The following OVCH2 variants were observed in gnomAD, a reference collection of about 807,000 sequenced individuals.
The protein encoded by OVCH2 is ovochymase 2, also known as ovochymase-2.
In OVCH2, 88 loss-of-function variants were observed where a neutral mutation model predicts 73.7. The ratio of observed to expected loss-of-function variants is 1.19; its 90% confidence interval spans 1.01 to 1.43. The LOEUF (loss-of-function observed/expected upper bound fraction) is 1.43, where lower values mean the gene tolerates loss of function less well. Ranked by LOEUF, OVCH2 falls within the 40% of genes most tolerant of loss-of-function variation. The pLI is 0.00. For synonymous variants in OVCH2, 265 were observed against 234.5 expected, an observed-to-expected ratio of 1.13 and a Z score of -1.19; for missense variants, 706 against 674.5, an observed-to-expected ratio of 1.05 and a Z score of -0.52.
At chr11:7,703,849 G>A (rs1856488020) in intron 2 of OVCH2, 60 bp from the exon 3 acceptor site, 2 of 1,310,080 alleles carry the variant, frequency 1.5e-6, no homozygotes, top group African/African-American at 2.9e-5. Flanking sequence ...CCTAAACACG[G>A]TGATGAAGCC....
At chr11:7,697,525 C>G (rs1352529510) in intron 8 of OVCH2, among the ~76,000 whole-genome samples, 1 of 152,210 alleles carries the variant, frequency 6.6e-6, no homozygotes, top group Non-Finnish European at 1.5e-5. Flanking sequence ...GGTTTCCTAG[C>G]TGTCTCCCTC....
At position 7,696,811 on chromosome 11, in the gene OVCH2, A is replaced by C; in HGVS notation, c.926-12T>G. On this transcript the variant is annotated splice_polypyrimidine_tract_variant and intron_variant, in intron 8 of 15. Coordinates refer to ENST00000533663, the MANE Select transcript of OVCH2 (RefSeq NM_198185.7). The stretch of plus-strand genomic sequence containing the variant: ...CTCACTGCACCAGGCTGGGAGGGAA[A>C]GCCAGGAGAGTCAGGGTTAGTTATG... The C allele has an allele frequency of 6.3e-7, 1 of 1,599,072 alleles. No individual in the cohort carries two copies. Among genetic ancestry groups the C allele is most frequent in the South Asian group, 1.1e-5 (1 of 88,616 alleles).
intron 13 of OVCH2, among the ~76,000 whole-genome samples, 163 bp from the exon 14 acceptor site, chr11:7,691,563 C>T (rs751627360): frequency 2.6e-5 from 4 of 152,204 alleles, no homozygotes; most frequent in Non-Finnish European, 5.9e-5. Context: ...TAATTAACCC[C>T]ATGACATTTC....
chr11:7,695,461 A>C, intron 11 of OVCH2, 109 bp downstream of exon 11: 1 of 1,126,138 alleles, frequency 8.9e-7, no homozygotes, highest in Non-Finnish European at 1.3e-6. Flanking sequence ...TCCCATGTGG[A>C]GTCAGTTGGG....
the OVCH2 span, among the ~76,000 whole-genome samples, chr11:7,679,266 A>T: frequency 6.6e-6 from 1 of 152,152 alleles, no homozygotes; most frequent in African/African-American, 2.4e-5. Flanking sequence ...CTCCCAAGTG[A>T]TATGGATCTT....
intron 11 of OVCH2, 52 bp from the exon 12 acceptor site, chr11:7,695,240 A>T: frequency 1.3e-6 from 2 of 1,502,436 alleles, no homozygotes; most frequent in Non-Finnish European, 1.8e-6. Context: ...ATAAAGAAGA[A>T]TTCTCACTGC....
rs374119862 is a variant in OVCH2 at position 7,694,479 on chromosome 11, G to C, written c.1413+579C>G. Among the ~76,000 whole-genome samples the C allele has an allele frequency of 2.1e-4, 32 of 152,174 alleles. No individual in the cohort carries two copies. The South Asian group carries it at 6.2e-3, about 30-fold the overall frequency. On this transcript the variant is annotated intron_variant, in intron 12 of 15. Coordinates refer to ENST00000533663, the MANE Select transcript of OVCH2 (RefSeq NM_198185.7). ...TTGCTCTGTCCTCTCTGCTTGAAAG[G>C]CTTGATGATTTTGGCCTGATTGACC...
chr11:7,681,260 T>G, the OVCH2 span, among the ~76,000 whole-genome samples: 1 of 152,242 alleles, frequency 6.6e-6, no homozygotes. Context: ...TTTCAAGGAT[T>G]TTAGACTAAA....
At chr11:7,701,301 A>T in intron 6 of OVCH2, 23 bp downstream of exon 6, 4 of 1,584,354 alleles carry the variant, frequency 2.5e-6, no homozygotes, top group Non-Finnish European at 3.4e-6. Context: ...CTGGGGCCTG[A>T]CAGCCCCGCA....
At chr11:7,702,364 A>G (rs772091566) in intron 3 of OVCH2, 35 bp from the exon 4 acceptor site, 2 of 1,514,158 alleles carry the variant, frequency 1.3e-6, no homozygotes, top group South Asian at 1.3e-5. Flanking sequence ...AATGAATTTC[A>G]TTGTGCCTCT....
chr11:7,702,284 T>G lies in OVCH2; in HGVS notation c.336A>C (p.Leu112Phe), dbSNP rs1856458392. 6.2e-7 allele frequency: 1 copy of G among 1,611,332 alleles called. No homozygotes were observed. Among genetic ancestry groups the G allele is most frequent in the Non-Finnish European group, 8.5e-7 (1 of 1,178,922 alleles). Residue 112 changes from leucine (L) to phenylalanine (F), a missense_variant, in exon 4 of 16, where the codon TTA becomes TTC. Coordinates refer to ENST00000533663, the MANE Select transcript of OVCH2 (RefSeq NM_198185.7). Reference protein sequence around the residue: ...TLNVTAGEYDLSQTDPGEQTL... With the variant: ...TLNVTAGEYDFSQTDPGEQTL... ...TTTGCTCTCCTGGGTCTGTCTGGCT[T>G]AAGTCATACTCTCCAGCAGTAACAT... is the stretch of plus-strand genomic sequence containing the variant.
chr11:7,686,858 G>A (rs949213839), downstream of OVCH2, among the ~76,000 whole-genome samples: 1 of 152,114 alleles, frequency 6.6e-6, no homozygotes, highest in Non-Finnish European at 1.5e-5. Context: ...TTCACCCAGA[G>A]GCTGTTTCAT....
At chr11:7,681,496 A>G in the OVCH2 span, among the ~76,000 whole-genome samples, 1 of 152,172 alleles carries the variant, frequency 6.6e-6, no homozygotes, top group African/African-American at 2.4e-5. Flanking sequence ...ATTTGCTAGA[A>G]ATAGTGTGGT....
In OVCH2 at chr11:7,690,031, A is replaced by G; in HGVS notation, c.1640-18T>C. On this transcript the variant is annotated intron_variant, in intron 14 of 15. Transcript: ENST00000533663. ...TGGGTATACTGGGTATAAGTATGATACAATTACTCAGTTTCCACAAAGACA... is the reference window on the plus strand; with the variant it reads ...TGGGTATACTGGGTATAAGTATGATGCAATTACTCAGTTTCCACAAAGACA... The G allele has an allele frequency of 6.9e-7, 1 of 1,448,096 alleles. No individual in the cohort carries two copies. The highest frequency in any genetic ancestry group is 9.4e-7 in the Non-Finnish European group (1 of 1,069,084). The allele number at this position is 1,448,096 out of a possible 1,614,324, so 89.7% of individuals were successfully genotyped here. A position where few individuals can be genotyped will look rare whatever the true frequency, so the allele number is the denominator to read the frequency against.
chr11:7,691,416 C>A lies in OVCH2; in HGVS notation c.1508-16G>T, dbSNP rs764533349. ...CACAGCCGAGCTTGTTGAAGGCCAG[C>A]CCAGGCATGACATTGTCAAGCACCC... is the stretch of plus-strand genomic sequence containing the variant. On this transcript the variant is annotated splice_polypyrimidine_tract_variant and intron_variant, in intron 13 of 15. Transcript: ENST00000533663. 5.6e-6 allele frequency: 9 copies of A among 1,607,098 alleles called. No individual in the cohort carries two copies. Among genetic ancestry groups the A allele is most frequent in the Admixed American group, 1.7e-5 (1 of 59,424 alleles).
intron 7 of OVCH2, 22 bp downstream of exon 7, chr11:7,700,274 C>A: frequency 6.2e-7 from 1 of 1,610,642 alleles, no homozygotes; most frequent in Non-Finnish European, 8.5e-7. Context: ...AGCTTCTTAA[C>A]CTTGTGTGAT....
At position 7,691,398 on chromosome 11, in the gene OVCH2, G is replaced by C. The variant is rs114134026; in HGVS notation, c.1510C>G (p.Arg504Gly). Residue 504 changes from arginine to glycine, a missense_variant and splice_region_variant, in exon 14 of 16, where the codon CGG becomes GGG. By Grantham distance (125) the Arg-to-Gly change is moderately radical. Transcript: ENST00000533663. The stretch of plus-strand genomic sequence containing the variant: ...GTGGGGACATCATAGCCACACAGCC[G>C]AGCTTGTTGAAGGCCAGCCCAGGCA... ...SDVERKKEIARLCGYDVPTPV... is the reference protein window; with the variant it reads ...SDVERKKEIAGLCGYDVPTPV... 5.0e-6 allele frequency: 8 copies of C among 1,611,004 alleles called. No individual in the cohort carries two copies. The highest frequency in any genetic ancestry group is 6.8e-6 in the Non-Finnish European group (8 of 1,177,972).
intron 8 of OVCH2, among the ~76,000 whole-genome samples, chr11:7,698,163 C>A (rs1856370898): frequency 6.7e-6 from 1 of 149,674 alleles, no homozygotes; most frequent in Non-Finnish European, 1.5e-5. Context: ...CATCAGAGCT[C>A]CCCTGTGAGT....
At chr11:7,705,275 CT>C (rs1856511156) in intron 1 of OVCH2, 1 of 152,228 alleles carries the variant, frequency 6.6e-6, no homozygotes, top group Non-Finnish European at 1.5e-5. Flanking sequence ...GTGTAGCACG[CT>C]TTCTTCACCC....
Sources: gnomAD v4.1 joint callset for allele counts (sites outside exome capture counted in the v4.1 genomes callset) on GRCh38, gnomAD v4.1.1 for gene constraint, MANE v1.5 for transcripts, NCBI Gene and HGNC (gene_info 2026-07-23, HGNC 2026-07-21) for gene names.